OSBPL10: variants seen among roughly 807,000 people sequenced by gnomAD.
OSBPL10 encodes the protein oxysterol binding protein like 10, also known as oxysterol-binding protein-related protein 10.
A neutral mutation model predicts 81.7 loss-of-function variants in OSBPL10; 49 were observed. That is an observed-to-expected ratio of 0.60 (90% CI 0.48 to 0.76). The LOEUF (loss-of-function observed/expected upper bound fraction) is 0.76. Among genes scored for constraint, OSBPL10 ranks in the 30% least tolerant of loss-of-function variants. The pLI, the probability that OSBPL10 is intolerant of heterozygous loss-of-function variation, is 0.00. For synonymous variants in OSBPL10, 419 were observed against 383.6 expected (o/e 1.09, Z -1.08); for missense variants, 923 against 987.8 (o/e 0.93, Z 0.88).
At chr3:31,847,224 T>A (rs991306346) in intron 3 of OSBPL10, among the ~76,000 whole-genome samples, 3 of 149,314 alleles carry the variant, frequency 2.0e-5, no homozygotes, top group Admixed American at 2.0e-4. Context: ...AAAGACAGAA[T>A]TTCATTTGGT....
At chr3:31,976,330 C>T (rs557673566) in intron 1 of OSBPL10, among the ~76,000 whole-genome samples, 2 of 152,280 alleles carry the variant, frequency 1.3e-5, no homozygotes, top group South Asian at 4.2e-4. Context: ...AACATCATTT[C>T]CCACATTTAG....
chr3:31,788,196 G>T (rs535271813), intron 4 of OSBPL10, among the ~76,000 whole-genome samples: 2 of 152,158 alleles, frequency 1.3e-5, no homozygotes, highest in Non-Finnish European at 2.9e-5. Context: ...CCCTGGCAGG[G>T]TTACAAGAAA....
At chr3:31,678,830 G>GTT (rs1263613553) in intron 8 of OSBPL10, among the ~76,000 whole-genome samples, 1 of 136,936 alleles carries the variant, frequency 7.3e-6, no homozygotes, top group Non-Finnish European at 1.6e-5. Flanking sequence ...GTGTGTGTGT[G>GTT]TAGGAGGGAA....
At chr3:31,820,913 C>T (rs188090624) in intron 4 of OSBPL10, among the ~76,000 whole-genome samples, 5 of 152,266 alleles carry the variant, frequency 3.3e-5, no homozygotes, top group Admixed American at 2.0e-4. Context: ...TGCTGAGCAT[C>T]TTTCAAGTGC....
At chr3:31,952,509 T>A (rs890938170) in intron 1 of OSBPL10, among the ~76,000 whole-genome samples, 3 of 152,166 alleles carry the variant, frequency 2.0e-5, no homozygotes, top group African/African-American at 7.2e-5. Flanking sequence ...ACCAGCAACT[T>A]GGGGCAGGAA....
At chr3:31,761,687 C>T (rs1479390408) in intron 4 of OSBPL10, among the ~76,000 whole-genome samples, 1 of 151,166 alleles carries the variant, frequency 6.6e-6, no homozygotes, top group East Asian at 1.9e-4. Flanking sequence ...CATGGTGGCA[C>T]ACAATTGACA....
intron 4 of OSBPL10, chr3:31,797,726 CT>C: frequency 2.3e-6 from 1 of 442,306 alleles, no homozygotes; most frequent in Non-Finnish European, 4.6e-6. Context: ...GTCACAGTCA[CT>C]TTTTGCCATG....
In OSBPL10 at chr3:31,730,927, A is replaced by G. The variant is rs1575506015; in HGVS notation, c.1095+2330T>C. 3.3e-5 allele frequency among the ~76,000 whole-genome samples: 5 copies of G among 152,356 alleles called. 1 individual carries two copies. The South Asian group carries it at 1.0e-3, about 32-fold the overall frequency. On this transcript the variant is annotated intron_variant, in intron 6 of 11. Transcript: ENST00000396556. ...AGTTAGTTTCCCAATGATCACTCAC[A>G]TAAGTAACTATATCCTCTAGATCAA...
intron 11 of OSBPL10, chr3:31,663,522 T>A: frequency 1.0e-6 from 1 of 998,668 alleles, no homozygotes; most frequent in Non-Finnish European, 1.2e-6. Flanking sequence ...GCCCAGATAT[T>A]ATTTCTAGCT....
At chr3:31,877,904 T>G (rs1336208889) in intron 2 of OSBPL10, among the ~76,000 whole-genome samples, 1 of 152,210 alleles carries the variant, frequency 6.6e-6, no homozygotes, top group Non-Finnish European at 1.5e-5. Context: ...GTGGCAATAC[T>G]ATCCAAAGGC....
chr3:32,066,842 C>T (rs1699784440), intron 1 of OSBPL10, among the ~76,000 whole-genome samples: 1 of 152,162 alleles, frequency 6.6e-6, no homozygotes, highest in African/African-American at 2.4e-5. Context: ...TTGGACTGAG[C>T]TCCTGTGATT....
intron 11 of OSBPL10, chr3:31,663,818 A>G: frequency 7.2e-7 from 1 of 1,387,550 alleles, no homozygotes; most frequent in Non-Finnish European, 9.3e-7. Flanking sequence ...AGGCAGGCTG[A>G]CATGCTTTTC....
intron 6 of OSBPL10, chr3:31,703,623 G>C (rs1695966786): frequency 6.6e-6 from 1 of 152,206 alleles, no homozygotes; most frequent in South Asian, 2.1e-4. Context: ...TACCCACACG[G>C]ACCATTCCTT....
chr3:31,717,979 G>C (rs1696506680), intron 6 of OSBPL10: 1 of 152,270 alleles, frequency 6.6e-6, no homozygotes, highest in Middle Eastern at 3.4e-3. Flanking sequence ...TTAATAATCA[G>C]AACGGTGGGA....
At chr3:31,871,634 G>C (rs899765447) in intron 3 of OSBPL10, among the ~76,000 whole-genome samples, 5 of 152,208 alleles carry the variant, frequency 3.3e-5, no homozygotes, top group African/African-American at 1.2e-4. Flanking sequence ...ACTTTGGGAG[G>C]GCAAGGCAGG....
intron 6 of OSBPL10, chr3:31,708,617 T>C (rs936131642): frequency 1.5e-6 from 1 of 665,276 alleles, no homozygotes; most frequent in African/African-American, 2.0e-5. Context: ...GTGCAAGGCA[T>C]TCACTACTAC....
intron 2 of OSBPL10, among the ~76,000 whole-genome samples, chr3:31,997,636 T>G (rs1699103130): frequency 6.6e-6 from 1 of 151,724 alleles, no homozygotes; most frequent in East Asian, 1.9e-4. Flanking sequence ...TTTTTTGTTT[T>G]GTTTTTACTT....
intron 1 of OSBPL10, among the ~76,000 whole-genome samples, chr3:31,966,267 T>C (rs529891956): frequency 6.7e-6 from 1 of 149,252 alleles, no homozygotes; most frequent in East Asian, 1.9e-4. Context: ...TAAGCTGAAC[T>C]AAAATAGAAA....
chr3:31,767,696 G>T (rs1339563251), intron 4 of OSBPL10, among the ~76,000 whole-genome samples: 1 of 152,164 alleles, frequency 6.6e-6, no homozygotes, highest in African/African-American at 2.4e-5. Context: ...GCTAGTGCAA[G>T]GTGACCCTAA....
Sources: gnomAD v4.1 joint callset for allele counts (sites outside exome capture counted in the v4.1 genomes callset) on GRCh38, gnomAD v4.1.1 for gene constraint, MANE v1.5 for transcripts, NCBI Gene and HGNC (gene_info 2026-07-23, HGNC 2026-07-21) for gene names.